Variants in TMPRSS11D observed in about 807,000 individuals in gnomAD.
The protein encoded by TMPRSS11D is transmembrane serine protease 11D, also known as transmembrane protease serine 11D.
In TMPRSS11D, 32 loss-of-function variants were observed where a neutral mutation model predicts 44.4. The observed-to-expected ratio is 0.72, with a 90% CI of 0.54 to 0.97. TMPRSS11D has a LOEUF of 0.97. Ranked by LOEUF, TMPRSS11D falls within the 50% of genes least tolerant of loss-of-function variation. The pLI is 0.00. For missense variants in TMPRSS11D, 446 were observed against 502.6 expected (o/e 0.89, Z 1.08); for synonymous variants, 179 against 177.9 (o/e 1.01, Z -0.05).
Position 67,825,304 on chromosome 4 carries a change from G to A in TMPRSS11D, c.1095+428C>T, listed in dbSNP as rs183204410. Among the ~76,000 whole-genome samples, 195 of 151,928 alleles carry A rather than the reference G, an allele frequency of 1.3e-3. 4 individuals are homozygous for A. The highest frequency in any genetic ancestry group is 0.012 in the Admixed American group (184 of 15,228). The stretch of plus-strand genomic sequence containing the variant: ...AGGTTGAGGTTAAAGTTATTAACAC[G>A]AGTGACCATGGTCTACATTAATAAT... On this transcript the variant is annotated intron_variant, in intron 9 of 9. Transcript: ENST00000283916.
chr4:67,832,440 T>C (rs1223033823), intron 7 of TMPRSS11D, among the ~76,000 whole-genome samples: 1 of 152,004 alleles, frequency 6.6e-6, no homozygotes, highest in East Asian at 1.9e-4. Flanking sequence ...TGAACTTTTC[T>C]TTTTACCAAT....
At chr4:67,861,931 TATA>T (rs1363377944) in intron 1 of TMPRSS11D, among the ~76,000 whole-genome samples, 12 of 152,190 alleles carry the variant, frequency 7.9e-5, no homozygotes, top group African/African-American at 2.9e-4. Flanking sequence ...CTAAATTGTG[TATA>T]ATATTTACTC....
intron 1 of TMPRSS11D, among the ~76,000 whole-genome samples, chr4:67,863,888 T>C (rs1718853909): frequency 6.6e-6 from 1 of 152,058 alleles, no homozygotes; most frequent in African/African-American, 2.4e-5. Flanking sequence ...ACTGAAGATT[T>C]TTCTGCCAGT....
intron 3 of TMPRSS11D, among the ~76,000 whole-genome samples, chr4:67,851,063 A>C (rs900367055): frequency 2.0e-5 from 3 of 152,200 alleles, no homozygotes; most frequent in African/African-American, 7.2e-5. Context: ...GCCCCAGAGC[A>C]AACCTTTGTA....
rs1717623317 is a variant in TMPRSS11D at position 67,821,120 on chromosome 4, T to C, written c.*1217A>G. ...GCTCTGACGCATAGATGATCATGCA[T>C]AGGCAAACTTTAGCTGTACTAGGAG... On this transcript the variant is annotated 3_prime_UTR_variant, in exon 10 of 10. Transcript: ENST00000283916. 1 of 152,236 alleles carries C rather than the reference T, an allele frequency of 6.6e-6. No homozygotes were observed. Among genetic ancestry groups the C allele is most frequent in the Admixed American group, 6.5e-5 (1 of 15,288 alleles). The allele number at this position is 152,236 out of a possible 1,614,324, so 9.4% of individuals were successfully genotyped here. A position where few individuals can be genotyped will look rare whatever the true frequency, so the allele number is the denominator to read the frequency against.
chr4:67,856,290 T>C (rs1577821592), intron 2 of TMPRSS11D, among the ~76,000 whole-genome samples: 1 of 152,040 alleles, frequency 6.6e-6, no homozygotes, highest in Non-Finnish European at 1.5e-5. Context: ...AACAGACACA[T>C]AGACCAATGA....
chr4:67,842,501 AG>A (rs1718257206), intron 4 of TMPRSS11D, 56 bp downstream of exon 4: 2 of 1,412,096 alleles, frequency 1.4e-6, no homozygotes, highest in South Asian at 2.3e-5. Context: ...TGTGACAAAA[AG>A]TCAAGTATGC....
chr4:67,870,841 C>G (rs1282196346), intron 1 of TMPRSS11D, among the ~76,000 whole-genome samples: 1 of 151,206 alleles, frequency 6.6e-6, no homozygotes, highest in Non-Finnish European at 1.5e-5. Flanking sequence ...ATTGCACCTC[C>G]TCTCTCTGCT....
At chr4:67,831,403 G>A (rs920393305) in intron 7 of TMPRSS11D, among the ~76,000 whole-genome samples, 16 of 152,038 alleles carry the variant, frequency 1.1e-4, no homozygotes, top group African/African-American at 3.6e-4. Flanking sequence ...TAGCTTTAGT[G>A]GATCAATCAT....
intron 1 of TMPRSS11D, among the ~76,000 whole-genome samples, chr4:67,874,316 T>C (rs1234181984): frequency 1.7e-5 from 1 of 58,544 alleles, no homozygotes; most frequent in Non-Finnish European, 3.5e-5. Context: ...TTACTTTCTA[T>C]AGGACTAAAT....
intron 1 of TMPRSS11D, among the ~76,000 whole-genome samples, chr4:67,862,714 A>G (rs1189170846): frequency 1.3e-5 from 2 of 152,160 alleles, no homozygotes; most frequent in African/African-American, 2.4e-5. Flanking sequence ...ACACCATGGA[A>G]TACTATGCAG....
At chr4:67,839,152 T>G (rs1718172766) in intron 4 of TMPRSS11D, 1 of 152,154 alleles carries the variant, frequency 6.6e-6, no homozygotes, top group African/African-American at 2.4e-5. Flanking sequence ...TAACTTAATA[T>G]TCATTCCAGA....
At chr4:67,882,210 C>G (rs1719336805) in intron 1 of TMPRSS11D, among the ~76,000 whole-genome samples, 1 of 152,062 alleles carries the variant, frequency 6.6e-6, no homozygotes, top group Non-Finnish European at 1.5e-5. Context: ...CAATTTTCAA[C>G]CAAAAGTATT....
intron 3 of TMPRSS11D, among the ~76,000 whole-genome samples, chr4:67,847,307 G>C (rs938268862): frequency 6.6e-6 from 1 of 152,110 alleles, no homozygotes; most frequent in Non-Finnish European, 1.5e-5. Flanking sequence ...CCACTGACTG[G>C]CATTGCTTTA....
At chr4:67,857,949 A>G (rs1027373957) in intron 2 of TMPRSS11D, among the ~76,000 whole-genome samples, 1 of 152,154 alleles carries the variant, frequency 6.6e-6, no homozygotes, top group African/African-American at 2.4e-5. Context: ...CATTGTATAC[A>G]TGTAACAAAA....
At chr4:67,879,787 C>T (rs1248010273) in intron 1 of TMPRSS11D, among the ~76,000 whole-genome samples, 1 of 152,070 alleles carries the variant, frequency 6.6e-6, no homozygotes, top group Non-Finnish European at 1.5e-5. Flanking sequence ...ATGCATATAC[C>T]ATGTGACTCG....
rs527801776 is a variant in TMPRSS11D, at chr4:67,839,966, T to G, written c.318-1637A>C. Among the ~76,000 whole-genome samples, 34 of 145,512 alleles carry G rather than the reference T, an allele frequency of 2.3e-4. No homozygotes were observed. In the East Asian group the frequency reaches 5.6e-3, roughly 24 times the overall value. ...ATTTAGCATTAGGTGTATCTCCTAATGCTATCCCTCCCCCCTCCCCCGACA... is the reference window on the plus strand; with the variant it reads ...ATTTAGCATTAGGTGTATCTCCTAAGGCTATCCCTCCCCCCTCCCCCGACA... On this transcript the variant is annotated intron_variant, in intron 4 of 9. Transcript: ENST00000283916.
chr4:67,850,414 C>T lies in TMPRSS11D; in HGVS notation c.249+3654G>A, dbSNP rs112255254. On this transcript the variant is annotated intron_variant, in intron 3 of 9. Transcript: ENST00000283916. ...TGGTATTTTGTTGCAGCCGCTCAAA[C>T]AGATGAAACCAGCAACTGACAATAA... 3.4e-4 allele frequency among the ~76,000 whole-genome samples: 51 copies of T among 148,386 alleles called. 1 individual carries two copies. Among genetic ancestry groups the T allele is most frequent in the African/African-American group, 1.3e-3 (51 of 40,238 alleles).
At chr4:67,882,794 T>A (rs1420570687) in intron 1 of TMPRSS11D, among the ~76,000 whole-genome samples, 1 of 152,090 alleles carries the variant, frequency 6.6e-6, no homozygotes, top group Non-Finnish European at 1.5e-5. Flanking sequence ...TTCTATGTTC[T>A]TTATTAGACT....
Sources: gnomAD v4.1 joint callset for allele counts (sites outside exome capture counted in the v4.1 genomes callset) on GRCh38, gnomAD v4.1.1 for gene constraint, MANE v1.5 for transcripts, NCBI Gene and HGNC (gene_info 2026-07-23, HGNC 2026-07-21) for gene names.